Variants in LRGUK observed in about 807,000 individuals in gnomAD.
LRGUK encodes leucine-rich repeat and guanylate kinase domain-containing protein.
In LRGUK, 65 loss-of-function variants were observed where a neutral mutation model predicts 76.0. The observed-to-expected ratio is 0.85, with a 90% CI of 0.70 to 1.05. The LOEUF (loss-of-function observed/expected upper bound fraction) is 1.05. LRGUK is among the 50% of genes least tolerant of loss of function. LRGUK has a pLI of 0.00. For synonymous variants in LRGUK, 268 were observed against 265.6 expected (o/e 1.01, Z -0.09); for missense variants, 758 against 732.8 (o/e 1.03, Z -0.40).
downstream of LRGUK, among the ~76,000 whole-genome samples, chr7:134,214,969 A>G (rs960161980): frequency 7.2e-5 from 11 of 152,152 alleles, no homozygotes; most frequent in African/African-American, 2.7e-4. Flanking sequence ...GAAGGTCTTC[A>G]TATGTTGGGT....
chr7:134,144,443 C>T (rs890867004), intron 4 of LRGUK, among the ~76,000 whole-genome samples: 7 of 152,124 alleles, frequency 4.6e-5, no homozygotes, highest in Admixed American at 4.6e-4. Context: ...CTGGCCTGGA[C>T]TTTTAAAGAG....
At chr7:134,219,022 A>T (rs542533851) in intron 15 of LRGUK, among the ~76,000 whole-genome samples, 1 of 152,332 alleles carries the variant, frequency 6.6e-6, no homozygotes, top group East Asian at 1.9e-4. Context: ...TATACTGAAG[A>T]ACTTGGTTCT....
chr7:134,164,242 C>T (rs1220215712), intron 7 of LRGUK, among the ~76,000 whole-genome samples: 3 of 152,052 alleles, frequency 2.0e-5, no homozygotes, highest in Admixed American at 2.0e-4. Context: ...TTTTATCTGT[C>T]AGTTTAAAAA....
At chr7:134,146,837 G>C (rs2116862262) in intron 4 of LRGUK, among the ~76,000 whole-genome samples, 1 of 152,268 alleles carries the variant, frequency 6.6e-6, no homozygotes, top group South Asian at 2.1e-4. Context: ...GGAAAAATTA[G>C]AATAGTGCTT....
chr7:134,187,834 A>G (rs1450816023), intron 11 of LRGUK, among the ~76,000 whole-genome samples: 1 of 152,128 alleles, frequency 6.6e-6, no homozygotes, highest in Non-Finnish European at 1.5e-5. Flanking sequence ...TGAAAGAAAA[A>G]CTTTATTCTT....
chr7:134,162,924 T>C (rs910614792), intron 6 of LRGUK, among the ~76,000 whole-genome samples: 1 of 149,834 alleles, frequency 6.7e-6, no homozygotes, highest in Non-Finnish European at 1.5e-5. Flanking sequence ...TATAACAGAC[T>C]ACTAGCACCC....
chr7:134,187,034 A>T (rs1361488896), intron 11 of LRGUK, among the ~76,000 whole-genome samples: 1 of 152,236 alleles, frequency 6.6e-6, no homozygotes, highest in Non-Finnish European at 1.5e-5. Flanking sequence ...AGGTTTGTTC[A>T]GTGGCAAATT....
intron 16 of LRGUK, among the ~76,000 whole-genome samples, chr7:134,234,660 C>T (rs979432502): frequency 6.6e-6 from 1 of 152,130 alleles, no homozygotes; most frequent in African/African-American, 2.4e-5. Flanking sequence ...CCCTGCTTCT[C>T]TTGTTCCTTT....
chr7:134,186,024 G>T (rs553280428), intron 11 of LRGUK, among the ~76,000 whole-genome samples: 1 of 152,258 alleles, frequency 6.6e-6, no homozygotes, highest in South Asian at 2.1e-4. Context: ...ACAAACTAGG[G>T]CAAAAGGGTA....
intron 5 of LRGUK, among the ~76,000 whole-genome samples, chr7:134,155,509 G>T (rs1798415867): frequency 6.6e-6 from 1 of 152,126 alleles, no homozygotes; most frequent in Non-Finnish European, 1.5e-5. Context: ...AGAATTTCTG[G>T]TACATTTTAC....
At chr7:134,225,109 C>A (rs1585578236) in intron 16 of LRGUK, among the ~76,000 whole-genome samples, 3 of 92,270 alleles carry the variant, frequency 3.3e-5, no homozygotes, top group Non-Finnish European at 2.0e-5. Context: ...GGGCTGGGGA[C>A]AGGGGAACAG....
intron 19 of LRGUK, among the ~76,000 whole-genome samples, chr7:134,259,146 C>G (rs1012684097): frequency 1.3e-5 from 2 of 152,136 alleles, no homozygotes; most frequent in East Asian, 3.9e-4. Context: ...TGGCCCAGCC[C>G]CGCTTCACCT....
intron 15 of LRGUK, among the ~76,000 whole-genome samples, chr7:134,207,299 A>G (rs558669070): frequency 3.9e-5 from 6 of 152,296 alleles, no homozygotes; most frequent in Admixed American, 3.9e-4. Context: ...CAGAAACTCT[A>G]TACCCATTAA....
chr7:134,247,563 A>C, exon 17 of LRGUK: 2 of 1,611,902 alleles, frequency 1.2e-6, no homozygotes, highest in Non-Finnish European at 1.7e-6. Flanking sequence ...TAGGAAAGAG[A>C]TTCTATACAC....
chr7:134,208,259 TAA>T (rs1405408483), intron 15 of LRGUK, among the ~76,000 whole-genome samples: 2 of 152,186 alleles, frequency 1.3e-5, no homozygotes, highest in African/African-American at 4.8e-5. Context: ...ACGGCTTATA[TAA>T]GAGGGCTGCC....
intron 6 of LRGUK, 97 bp from the exon 7 acceptor site, chr7:134,163,300 T>G: frequency 9.1e-7 from 1 of 1,096,740 alleles, no homozygotes; most frequent in Non-Finnish European, 1.3e-6. Context: ...TGATTTTTTT[T>G]AGAGAGATTT....
the LRGUK span, among the ~76,000 whole-genome samples, chr7:134,274,355 G>T: frequency 6.6e-6 from 1 of 152,082 alleles, no homozygotes; most frequent in African/African-American, 2.4e-5. Flanking sequence ...ATAAAAGTAT[G>T]GCTTATATAG....
At chr7:134,215,493 T>A (rs1187501973) in intron 15 of LRGUK, among the ~76,000 whole-genome samples, 1 of 152,172 alleles carries the variant, frequency 6.6e-6, no homozygotes, top group Non-Finnish European at 1.5e-5. Flanking sequence ...TATGCTGAAT[T>A]CTTCTCTGGG....
At chr7:134,196,430 G>C (rs966848354) in intron 12 of LRGUK, among the ~76,000 whole-genome samples, 9 of 152,146 alleles carry the variant, frequency 5.9e-5, no homozygotes, top group Non-Finnish European at 8.8e-5. Context: ...GACATTTGGG[G>C]CAGTTTCAGT....
Sources: allele counts gnomAD v4.1 joint callset (sites outside exome capture counted in the v4.1 genomes callset), GRCh38; gene constraint gnomAD v4.1.1; transcripts MANE v1.5; gene names NCBI Gene and HGNC (gene_info 2026-07-23, HGNC 2026-07-21).